Variants in PITPNB observed in about 807,000 individuals in gnomAD.
The protein encoded by PITPNB is phosphatidylinositol transfer protein beta isoform.
PITPNB carries 16 observed loss-of-function variants against 45.9 expected under a neutral mutation model. The observed-to-expected ratio is 0.35, with a 90% CI of 0.24 to 0.53. PITPNB has a LOEUF of 0.53. PITPNB is among the 20% of genes least tolerant of loss of function. The probability of loss-of-function intolerance (pLI) is 0.93; values close to 1 mark genes in which losing one functional copy is unlikely to be tolerated. For missense variants in PITPNB, 188 were observed against 330.5 expected, an observed-to-expected ratio of 0.57 and a Z score of 3.34; for synonymous variants, 112 against 108.9, an observed-to-expected ratio of 1.03 and a Z score of -0.18.
At chr22:27,912,784 C>G (rs1305911536) in intron 2 of PITPNB, among the ~76,000 whole-genome samples, 1 of 151,742 alleles carries the variant, frequency 6.6e-6, no homozygotes, top group Non-Finnish European at 1.5e-5. Flanking sequence ...GAGTTCGAGA[C>G]CAGCCTGACC....
chr22:27,860,385 AATC>A lies in PITPNB; in HGVS notation c.535-147_535-145del, dbSNP rs1934290610. The A allele has an allele frequency of 5.3e-6, 3 of 571,140 alleles. No homozygotes were observed. In the South Asian group the frequency reaches 7.9e-5, roughly 15 times the overall value. 35.4% of individuals were successfully genotyped at this position (571,140 alleles called of 1,614,324 possible). Reference sequence around the variant, plus strand: ...TTAATTCAGATATTTGAAAATTTGAAATCATTTTAGCAAAAGCCGCAGTATTCC... The same window carrying A: ...TTAATTCAGATATTTGAAAATTTGAAATTTTAGCAAAAGCCGCAGTATTCC... On this transcript the variant is annotated intron_variant, in intron 8 of 11. Transcript: ENST00000335272.
intron 3 of PITPNB, among the ~76,000 whole-genome samples, chr22:27,901,133 C>T (rs538792703): frequency 1.3e-5 from 2 of 152,316 alleles, no homozygotes; most frequent in East Asian, 1.9e-4. Context: ...ATTTCAGCTG[C>T]TTAAGAGTGA....
chr22:27,874,165 A>C (rs1314743774), intron 7 of PITPNB, among the ~76,000 whole-genome samples: 1 of 152,250 alleles, frequency 6.6e-6, no homozygotes, highest in Non-Finnish European at 1.5e-5. Flanking sequence ...CATTCAAAGA[A>C]TAAAACATAC....
chr22:27,898,410 T>C (rs747449818), intron 3 of PITPNB, among the ~76,000 whole-genome samples: 2 of 150,418 alleles, frequency 1.3e-5, no homozygotes, highest in Non-Finnish European at 3.0e-5. Context: ...TAAAAGGTTT[T>C]GTGTGTGTGT....
At chr22:27,895,934 G>A (rs890010530) in intron 6 of PITPNB, among the ~76,000 whole-genome samples, 3 of 151,992 alleles carry the variant, frequency 2.0e-5, no homozygotes, top group Non-Finnish European at 4.4e-5. Flanking sequence ...CTAGACCAAG[G>A]GCATCAACCT....
intron 7 of PITPNB, 169 bp downstream of exon 7, chr22:27,894,384 CTT>C (rs1935375525): frequency 2.1e-6 from 1 of 477,318 alleles, no homozygotes; most frequent in East Asian, 3.0e-5. Context: ...ACTCTGGTCT[CTT>C]TGCTGCACAG....
chr22:27,883,046 A>G (rs1290324564), intron 7 of PITPNB, among the ~76,000 whole-genome samples: 3 of 152,230 alleles, frequency 2.0e-5, no homozygotes, highest in Non-Finnish European at 4.4e-5. Flanking sequence ...TCTATTGCAC[A>G]TATGCGAACT....
At chr22:27,887,873 A>G (rs1190331514) in intron 7 of PITPNB, among the ~76,000 whole-genome samples, 6 of 152,070 alleles carry the variant, frequency 3.9e-5, no homozygotes, top group Non-Finnish European at 7.4e-5. Context: ...TTAATTAATC[A>G]AACTAATCAG....
At chr22:27,913,076 C>T (rs1461950986) in intron 2 of PITPNB, among the ~76,000 whole-genome samples, 1 of 150,954 alleles carries the variant, frequency 6.6e-6, no homozygotes, top group Non-Finnish European at 1.5e-5. Flanking sequence ...AAAAAGATTT[C>T]GACAAGCTGA....
Position 27,918,949 on chromosome 22 carries a change from C to T in PITPNB, c.20+223G>A, listed in dbSNP as rs1403522421. On this transcript the variant is annotated intron_variant, in intron 1 of 11. Coordinates refer to ENST00000335272, the MANE Select transcript of PITPNB (RefSeq NM_012399.5). Reference sequence around the variant, plus strand: ...GCTCGGGCCGGGACCCAGCCGCCTTCGCCCCGGGGAAGGGAGAGGGCGTGT... The same window carrying T: ...GCTCGGGCCGGGACCCAGCCGCCTTTGCCCCGGGGAAGGGAGAGGGCGTGT... Among the ~76,000 whole-genome samples, 8 of 151,624 alleles carry T rather than the reference C, an allele frequency of 5.3e-5. No individual in the cohort carries two copies. The South Asian group carries it at 1.7e-3, about 32-fold the overall frequency.
intron 8 of PITPNB, among the ~76,000 whole-genome samples, chr22:27,872,160 C>T (rs1447105391): frequency 8.5e-6 from 1 of 117,914 alleles, no homozygotes; most frequent in Non-Finnish European, 1.6e-5. Flanking sequence ...ATGGTGCAAT[C>T]TTAGCTCACT....
In PITPNB at chr22:27,897,829, G is replaced by C; in HGVS notation, c.261C>G (p.Ala87=). ...PEGSLVFHEK[A]WNAYPYCRTI... ...TTCTACAGTAGGGGTACGCATTCCA[G>C]GCTTTCTCATGAAACACCAAGGAGC... Residue 87 remains alanine (A), a synonymous_variant, in exon 4 of 12, where the codon GCC becomes GCG. Coordinates refer to ENST00000335272, the MANE Select transcript of PITPNB (RefSeq NM_012399.5). The C allele has an allele frequency of 6.2e-7, 1 of 1,613,832 alleles. No homozygotes were observed.
intron 7 of PITPNB, among the ~76,000 whole-genome samples, chr22:27,883,936 T>TC (rs1473055434): frequency 6.6e-6 from 1 of 152,170 alleles, no homozygotes; most frequent in Middle Eastern, 3.2e-3. Context: ...GAGCTGATTA[T>TC]CAGCAGCCTC....
chr22:27,883,711 A>G (rs1935037616), intron 7 of PITPNB, among the ~76,000 whole-genome samples: 1 of 152,186 alleles, frequency 6.6e-6, no homozygotes, highest in East Asian at 1.9e-4. Context: ...CTCCCCAGCG[A>G]CCCTCAGGGG....
chr22:27,855,007 G>T, intron 10 of PITPNB, 68 bp from the exon 11 acceptor site: 1 of 1,068,438 alleles, frequency 9.4e-7, no homozygotes, highest in Non-Finnish European at 1.4e-6. Context: ...AGCAAGGGGA[G>T]AAAAAAGATC....
intron 3 of PITPNB, among the ~76,000 whole-genome samples, chr22:27,899,619 G>A (rs561500198): frequency 7.9e-5 from 12 of 152,164 alleles, no homozygotes; most frequent in Middle Eastern, 3.4e-3. Flanking sequence ...CACCGCGCCC[G>A]GCCTGATCAC....
intron 7 of PITPNB, among the ~76,000 whole-genome samples, chr22:27,890,282 A>T (rs985355500): frequency 5.3e-5 from 8 of 151,734 alleles, no homozygotes; most frequent in Non-Finnish European, 1.0e-4. Context: ...AGGCTTAAAA[A>T]CTGTCAAGGG....
chr22:27,871,587 C>G (rs1354180614), intron 8 of PITPNB, among the ~76,000 whole-genome samples: 2 of 152,134 alleles, frequency 1.3e-5, no homozygotes, highest in Non-Finnish European at 2.9e-5. Context: ...GGCTTCTCCT[C>G]CAACTAAGAT....
At chr22:27,889,085 A>T (rs937885105) in intron 7 of PITPNB, among the ~76,000 whole-genome samples, 1 of 152,228 alleles carries the variant, frequency 6.6e-6, no homozygotes, top group Non-Finnish European at 1.5e-5. Context: ...TACAGTCAAG[A>T]CTAACGACAA....
Sources: gnomAD v4.1 joint callset for allele counts (sites outside exome capture counted in the v4.1 genomes callset) on GRCh38, gnomAD v4.1.1 for gene constraint, MANE v1.5 for transcripts, NCBI Gene and HGNC (gene_info 2026-07-23, HGNC 2026-07-21) for gene names.